ZNF236: variants seen among roughly 807,000 people sequenced by gnomAD.
ZNF236 encodes zinc finger protein 236.
A neutral mutation model predicts 191.2 loss-of-function variants in ZNF236; 50 were observed. That is an observed-to-expected ratio of 0.26 (90% CI 0.21 to 0.33). The LOEUF is 0.33. ZNF236 is among the 10% of genes least tolerant of loss of function. The probability of loss-of-function intolerance (pLI) is 1.00; values close to 1 mark genes in which losing one functional copy is unlikely to be tolerated. For synonymous variants in ZNF236, 907 were observed against 928.8 expected, an observed-to-expected ratio of 0.98 and a Z score of 0.43; for missense variants, 1,754 against 2,374.5, an observed-to-expected ratio of 0.74 and a Z score of 5.43.
At position 76,972,837 on chromosome 18, in the gene ZNF236, G is replaced by A. The variant is rs1226497930; in HGVS notation, c.*4498G>A. On this transcript the variant is annotated 3_prime_UTR_variant, in exon 31 of 31. Transcript: ENST00000320610. The stretch of plus-strand genomic sequence containing the variant: ...TCCAGTTTTGTATTAGAAATGGATA[G>A]TGATGCCAAAAGCCACCGTGCTGGC... Among the ~76,000 whole-genome samples, 2 of 152,154 alleles carry A rather than the reference G, an allele frequency of 1.3e-5. No individual in the cohort carries two copies. Among genetic ancestry groups the A allele is most frequent in the Non-Finnish European group, 2.9e-5 (2 of 68,016 alleles).
At chr18:76,855,395 T>C (rs1976012988) in intron 3 of ZNF236, among the ~76,000 whole-genome samples, 2 of 152,216 alleles carry the variant, frequency 1.3e-5, no homozygotes, top group African/African-American at 4.8e-5. Context: ...CAGAAACAAC[T>C]TTCATTAGCA....
intron 26 of ZNF236, among the ~76,000 whole-genome samples, chr18:76,941,776 A>T (rs189382981): frequency 1.3e-5 from 2 of 152,372 alleles, no homozygotes; most frequent in East Asian, 3.9e-4. Context: ...AAATTTTTAA[A>T]CCAAATTGAT....
intron 13 of ZNF236, among the ~76,000 whole-genome samples, chr18:76,907,719 C>T (rs534831250): frequency 7.1e-4 from 104 of 145,484 alleles, no homozygotes; most frequent in African/African-American, 2.4e-3. Context: ...TTCAAGTTCT[C>T]AGTTCATTGC....
chr18:76,959,029 G>T (rs955086687), intron 28 of ZNF236, among the ~76,000 whole-genome samples: 2 of 152,366 alleles, frequency 1.3e-5, no homozygotes, highest in Non-Finnish European at 2.9e-5. Context: ...TCAGGTGCCT[G>T]CAAGGGCAGC....
chr18:76,931,001 AAC>A (rs1172588175), intron 25 of ZNF236: 1 of 152,360 alleles, frequency 6.6e-6, no homozygotes, highest in Non-Finnish European at 1.5e-5. Flanking sequence ...TTATATGTTT[AAC>A]ACACTTGCCA....
In ZNF236 at chr18:76,937,259, C is replaced by A; in HGVS notation, c.4698C>A (p.Asp1566Glu). ...LVMSSSGVGG[D>E]ASVTLTLADT... ...TGTCCTCGTCGGGCGTGGGAGGTGA[C>A]GCTAGTGTCACGCTGACGCTGGCCG... The change falls in exon 26 of 31, where the codon GAC (aspartate) becomes GAA (glutamate). Residue 1566 changes from aspartate (D) to glutamate (E), a missense_variant. This residue lies in a region of ZNF236 where 606 missense variants were observed against 761.5 expected (regional missense o/e 0.80). Coordinates refer to ENST00000320610, the MANE Select transcript of ZNF236 (RefSeq NM_001306089.2). 2 of 1,614,158 alleles carry A rather than the reference C, an allele frequency of 1.2e-6. No homozygotes were observed. The highest frequency in any genetic ancestry group is 2.2e-5 in the East Asian group (1 of 44,878).
intron 3 of ZNF236, among the ~76,000 whole-genome samples, chr18:76,867,541 T>C (rs1006019713): frequency 3.9e-5 from 6 of 152,124 alleles, no homozygotes; most frequent in African/African-American, 1.4e-4. Flanking sequence ...TAGGAAAAAA[T>C]CAATGTATTT....
chr18:76,841,315 C>T (rs1032717347), intron 1 of ZNF236, among the ~76,000 whole-genome samples: 1 of 152,198 alleles, frequency 6.6e-6, no homozygotes, highest in Non-Finnish European at 1.5e-5. Flanking sequence ...TCAGATGATC[C>T]ACCTGCCTCG....
chr18:76,835,435 T>A (rs1488819038), intron 1 of ZNF236, among the ~76,000 whole-genome samples: 1 of 152,226 alleles, frequency 6.6e-6, no homozygotes, highest in Non-Finnish European at 1.5e-5. Context: ...TGTGAATTTG[T>A]CTATTCTTCT....
At chr18:76,944,133 G>A (rs1417075057) in intron 26 of ZNF236, among the ~76,000 whole-genome samples, 2 of 152,158 alleles carry the variant, frequency 1.3e-5, no homozygotes, top group Non-Finnish European at 2.9e-5. Flanking sequence ...GTAGTCATGG[G>A]TGGGGCTGGC....
At chr18:76,864,165 T>C (rs1976329700) in intron 3 of ZNF236, among the ~76,000 whole-genome samples, 1 of 151,764 alleles carries the variant, frequency 6.6e-6, no homozygotes, top group South Asian at 2.1e-4. Context: ...TCAGCCTCCA[T>C]AATCATGAGA....
At position 76,925,696 on chromosome 18, in the gene ZNF236, C is replaced by T. The variant is rs28441250; in HGVS notation, c.4027+142C>T. ...TTGAGCCTTTTCCTTATAAGGCATTCGGAAAAATTGGAATTCCGTCTTGCA... is the reference window on the plus strand; with the variant it reads ...TTGAGCCTTTTCCTTATAAGGCATTTGGAAAAATTGGAATTCCGTCTTGCA... On this transcript the variant is annotated intron_variant, in intron 22 of 30. Transcript: ENST00000320610. The surrounding 1 kb of genome is among the most constrained non-coding windows in gnomAD (Gnocchi z 5.7). 1.2e-3 allele frequency: 1,523 copies of T among 1,227,234 alleles called. 13 individuals are homozygous for T. In the African/African-American group the frequency reaches 0.018, roughly 14 times the overall value. The allele number at this position is 1,227,234 out of a possible 1,614,324, so 76.0% of individuals were successfully genotyped here. A position where few individuals can be genotyped will look rare whatever the true frequency, so the allele number is the denominator to read the frequency against.
At position 76,968,441 on chromosome 18, in the gene ZNF236, C is replaced by T; in HGVS notation, c.*102C>T. The T allele has an allele frequency of 6.6e-7, 1 of 1,511,082 alleles. No individual in the cohort carries two copies. Among genetic ancestry groups the T allele is most frequent in the Non-Finnish European group, 8.7e-7 (1 of 1,143,814 alleles). The allele number at this position is 1,511,082 out of a possible 1,614,324, so 93.6% of individuals were successfully genotyped here. A position where few individuals can be genotyped will look rare whatever the true frequency, so the allele number is the denominator to read the frequency against. ...TTTAAAGCTTCAAGTGTTAAAAATGCTACAATAGTTTTTTATCTATAAAAT... is the reference window on the plus strand; with the variant it reads ...TTTAAAGCTTCAAGTGTTAAAAATGTTACAATAGTTTTTTATCTATAAAAT... On this transcript the variant is annotated 3_prime_UTR_variant, in exon 31 of 31. Coordinates refer to ENST00000320610, the MANE Select transcript of ZNF236 (RefSeq NM_001306089.2).
At chr18:76,876,728 A>T (rs1407261390) in intron 6 of ZNF236, among the ~76,000 whole-genome samples, 1 of 152,212 alleles carries the variant, frequency 6.6e-6, no homozygotes, top group Non-Finnish European at 1.5e-5. Flanking sequence ...GTTGTAAGTC[A>T]TTCTTGTGGT....
intron 1 of ZNF236, among the ~76,000 whole-genome samples, chr18:76,832,867 C>T (rs1975213976): frequency 6.6e-6 from 1 of 151,950 alleles, no homozygotes; most frequent in Non-Finnish European, 1.5e-5. Context: ...ATGATCTCTC[C>T]TATCATTTCT....
chr18:76,862,210 GC>G lies in ZNF236; in HGVS notation c.364-6473del, dbSNP rs554137897. ...GACACCTGGACACGGTTTTGAAGAAGCCTGCAGCCTTCTGCCAACAAGCGGA... is the reference window on the plus strand; with the variant it reads ...GACACCTGGACACGGTTTTGAAGAAGCTGCAGCCTTCTGCCAACAAGCGGA... On this transcript the variant is annotated intron_variant, in intron 3 of 30. Coordinates refer to ENST00000320610, the MANE Select transcript of ZNF236 (RefSeq NM_001306089.2). Among the ~76,000 whole-genome samples, 19 of 152,248 alleles carry G rather than the reference GC, an allele frequency of 1.2e-4. No homozygotes were observed. The South Asian group carries it at 3.7e-3, about 30-fold the overall frequency.
intron 3 of ZNF236, among the ~76,000 whole-genome samples, chr18:76,859,010 G>C (rs551721989): frequency 2.7e-4 from 8 of 30,062 alleles, no homozygotes; most frequent in Non-Finnish European, 4.7e-4. Context: ...GGAGGAGAAA[G>C]GGGGAGAGGG....
At chr18:76,941,882 G>A (rs1381261802) in intron 26 of ZNF236, among the ~76,000 whole-genome samples, 1 of 152,154 alleles carries the variant, frequency 6.6e-6, no homozygotes, top group African/African-American at 2.4e-5. Context: ...GGCAAACTTA[G>A]ACTTGTGCTG....
In ZNF236 at chr18:76,905,142, A is replaced by T. The variant is rs1568222476; in HGVS notation, c.2037-13A>T. On this transcript the variant is annotated splice_polypyrimidine_tract_variant and intron_variant, in intron 12 of 30. Coordinates refer to ENST00000320610, the MANE Select transcript of ZNF236 (RefSeq NM_001306089.2). Reference sequence around the variant, plus strand: ...AAGAAACATATTCATTAAAATGTGTATTTTTTTTTAAGATCCCATACAGGT... The same window carrying T: ...AAGAAACATATTCATTAAAATGTGTTTTTTTTTTTAAGATCCCATACAGGT... 2.5e-6 allele frequency: 4 copies of T among 1,571,910 alleles called. No homozygotes were observed. In the East Asian group the frequency reaches 6.8e-5, roughly 27 times the overall value.
Sources: allele counts gnomAD v4.1 joint callset (sites outside exome capture counted in the v4.1 genomes callset), GRCh38; gene constraint gnomAD v4.1.1; regional missense constraint gnomAD v4.1.1; non-coding constraint Gnocchi (gnomAD v3.1); transcripts MANE v1.5; gene names NCBI Gene and HGNC (gene_info 2026-07-23, HGNC 2026-07-21).